LRP2: variants seen among roughly 807,000 people sequenced by gnomAD.
LRP2 encodes the protein low-density lipoprotein receptor-related protein 2.
A neutral mutation model predicts 531.0 loss-of-function variants in LRP2; 172 were observed. The ratio of observed to expected loss-of-function variants is 0.32; its 90% CI spans 0.29 to 0.37. The LOEUF (loss-of-function observed/expected upper bound fraction) is 0.37, where lower values mean the gene tolerates loss of function less well. Among genes scored for constraint, LRP2 ranks in the 10% least tolerant of loss-of-function variants. The pLI is 1.00. For synonymous variants in LRP2, 1,992 were observed against 2,027.6 expected (o/e 0.98, Z 0.47); for missense variants, 5,167 against 5,868.3 (o/e 0.88, Z 3.90).
intron 10 of LRP2, among the ~76,000 whole-genome samples, chr2:169,281,683 A>T (rs1683708479): frequency 6.6e-6 from 1 of 152,102 alleles, no homozygotes; most frequent in Admixed American, 6.5e-5. Flanking sequence ...GCGCCACTGC[A>T]CTCCAGCCTG....
In LRP2 at chr2:169,209,527, G is replaced by T. The variant is rs751935425; in HGVS notation, c.6395C>A (p.Ser2132Tyr). ...NAIRRIKPDG[S>Y]SLMNIVTHGI... ...ATGTGTCACAATGTTCATCAGAGAA[G>T]ATCCATCTGGTTTAATTCTACGGAT... is the stretch of plus-strand genomic sequence containing the variant. The change falls in exon 38 of 79, where the codon TCT becomes TAT. Residue 2132 changes from serine to tyrosine, a missense_variant. Transcript: ENST00000649046. 8 of 1,614,084 alleles carry T rather than the reference G, an allele frequency of 5.0e-6. No homozygotes were observed. Among genetic ancestry groups the T allele is most frequent in the South Asian group, 4.4e-5 (4 of 91,076 alleles).
At chr2:169,205,710 A>G in intron 40 of LRP2, 73 bp from the exon 41 acceptor site, 7 of 1,398,366 alleles carry the variant, frequency 5.0e-6, no homozygotes, top group Non-Finnish European at 7.1e-6. Flanking sequence ...AAAAAAGGAC[A>G]ATATTCTTTA....
At position 169,171,995 on chromosome 2, in the gene LRP2, A is replaced by G; in HGVS notation, c.11263+20T>C. 2 of 1,613,954 alleles carry G rather than the reference A, an allele frequency of 1.2e-6. No homozygotes were observed. The highest frequency in any genetic ancestry group is 1.7e-6 in the Non-Finnish European group (2 of 1,179,878). On this transcript the variant is annotated intron_variant, in intron 58 of 78. Coordinates refer to ENST00000649046, the MANE Select transcript of LRP2 (RefSeq NM_004525.3). ...ACAGCTCTGGTGGTATATAAGGACCATAGGACTGTGAACACTCACCACAGT... is the reference window on the plus strand; with the variant it reads ...ACAGCTCTGGTGGTATATAAGGACCGTAGGACTGTGAACACTCACCACAGT...
chr2:169,155,900 C>T (rs1189758819), intron 65 of LRP2, among the ~76,000 whole-genome samples: 1 of 152,138 alleles, frequency 6.6e-6, no homozygotes, highest in African/African-American at 2.4e-5. Context: ...GGCCTTGTTA[C>T]CTTCCTTTTA....
At chr2:169,136,766 G>T (rs992101547) in intron 76 of LRP2, among the ~76,000 whole-genome samples, 1 of 151,866 alleles carries the variant, frequency 6.6e-6, no homozygotes, top group Non-Finnish European at 1.5e-5. Flanking sequence ...GACTCAGCCC[G>T]CCTGCACCCA....
chr2:169,293,415 C>T (rs1250416574), intron 6 of LRP2, among the ~76,000 whole-genome samples: 1 of 152,168 alleles, frequency 6.6e-6, no homozygotes, highest in Non-Finnish European at 1.5e-5. Flanking sequence ...GTGGCTCATA[C>T]CCATAATACC....
rs760581201 is a variant in LRP2 at position 169,231,832 on chromosome 2, T to C, written c.5109A>G (p.Pro1703=). The C allele has an allele frequency of 1.2e-6, 2 of 1,613,912 alleles. No individual in the cohort carries two copies. Among genetic ancestry groups the C allele is most frequent in the East Asian group, 2.2e-5 (1 of 44,878 alleles). The change falls in exon 31 of 79, where the codon CCA becomes CCG. Residue 1703 remains proline (P), a synonymous_variant. Transcript: ENST00000649046. The part of the protein sequence containing the change: ...HPSKQPNSVN[P]CAFSRCSHLC... The stretch of plus-strand genomic sequence containing the variant: ...GATGGCTGCAGCGGGAAAAGGCACA[T>C]GGATTCACGGCTGCATGAGAAAGAG...
At chr2:169,310,490 T>A (rs182830132) in intron 3 of LRP2, among the ~76,000 whole-genome samples, 2 of 152,350 alleles carry the variant, frequency 1.3e-5, no homozygotes, top group Non-Finnish European at 2.9e-5. Context: ...TCTGTTTATA[T>A]GATGGATTAC....
intron 13 of LRP2, among the ~76,000 whole-genome samples, chr2:169,277,361 T>C (rs531295257): frequency 2.9e-4 from 44 of 152,222 alleles, no homozygotes; most frequent in Non-Finnish European, 5.6e-4. Flanking sequence ...ATCAAATACC[T>C]AATAAAACAT....
At chr2:169,212,273 C>T (rs1574138894) in intron 36 of LRP2, 66 bp from the exon 37 acceptor site, 3 of 1,602,316 alleles carry the variant, frequency 1.9e-6, no homozygotes, top group East Asian at 2.2e-5. Context: ...TCTCAAATTT[C>T]TTTAATTGGG....
At chr2:169,237,367 T>A in intron 27 of LRP2, 80 bp from the exon 28 acceptor site, 1 of 1,140,918 alleles carries the variant, frequency 8.8e-7, no homozygotes, top group Non-Finnish European at 1.3e-6. Flanking sequence ...AAAATCTAGA[T>A]TAAACCATCT....
At chr2:169,239,895 G>A in intron 25 of LRP2, 120 bp from the exon 26 acceptor site, 1 of 864,266 alleles carries the variant, frequency 1.2e-6, no homozygotes, top group Non-Finnish European at 1.9e-6. Context: ...GCCCAGACAA[G>A]AGCTAAGTGC....
intron 35 of LRP2, among the ~76,000 whole-genome samples, chr2:169,215,695 T>C (rs1323071032): frequency 6.7e-6 from 1 of 148,180 alleles, no homozygotes; most frequent in Admixed American, 6.8e-5. Context: ...AGATATATAT[T>C]CTGTATTCTA....
Position 169,139,235 on chromosome 2 carries a change from C to T in LRP2, c.13388+16G>A. 1 of 1,614,068 alleles carries T rather than the reference C, an allele frequency of 6.2e-7. No individual in the cohort carries two copies. Among genetic ancestry groups the T allele is most frequent in the Non-Finnish European group, 8.5e-7 (1 of 1,179,966 alleles). ...CTTAGGCTTCAAACATCAACGTTCC[C>T]CATAATGAAACTGACCTTGGCAGCT... On this transcript the variant is annotated intron_variant, in intron 74 of 78. Transcript: ENST00000649046.
intron 76 of LRP2, among the ~76,000 whole-genome samples, chr2:169,134,887 G>A (rs544603879): frequency 2.0e-5 from 3 of 152,256 alleles, no homozygotes; most frequent in Admixed American, 6.5e-5. Flanking sequence ...AGATCCCATC[G>A]CTCAGGACAA....
intron 1 of LRP2, among the ~76,000 whole-genome samples, chr2:169,338,981 G>C (rs990555149): frequency 3.3e-5 from 5 of 152,142 alleles, no homozygotes; most frequent in African/African-American, 1.2e-4. Flanking sequence ...TATGAGGGTA[G>C]AGTGAGGATT....
At chr2:169,296,960 G>A (rs1341181389) in intron 4 of LRP2, among the ~76,000 whole-genome samples, 1 of 152,098 alleles carries the variant, frequency 6.6e-6, no homozygotes, top group African/African-American at 2.4e-5. Flanking sequence ...CACTGATAAA[G>A]AATCACTCTC....
intron 70 of LRP2, among the ~76,000 whole-genome samples, chr2:169,143,132 T>C (rs1021636707): frequency 2.0e-5 from 3 of 152,170 alleles, no homozygotes; most frequent in Admixed American, 1.3e-4. Context: ...CAACTTGAGA[T>C]GGTTCAAAAG....
At chr2:169,312,512 A>C (rs1684641710) in intron 3 of LRP2, among the ~76,000 whole-genome samples, 1 of 152,166 alleles carries the variant, frequency 6.6e-6, no homozygotes, top group Non-Finnish European at 1.5e-5. Context: ...CTTTTCTTTA[A>C]GAATGTTGAA....
Sources: allele counts gnomAD v4.1 joint callset (sites outside exome capture counted in the v4.1 genomes callset), GRCh38; gene constraint gnomAD v4.1.1; transcripts MANE v1.5; gene names NCBI Gene and HGNC (gene_info 2026-07-23, HGNC 2026-07-21).